The following PLA2G4B variants were observed in gnomAD, a reference collection of about 807,000 sequenced individuals.
PLA2G4B encodes phospholipase A2 group IVB, also known as cytosolic phospholipase A2 beta.
Under a neutral mutation model 95.8 loss-of-function variants are expected in PLA2G4B, and 122 were observed. That is an observed-to-expected ratio of 1.27 (90% CI 1.10 to 1.48). The LOEUF is 1.48. Ranked by LOEUF, PLA2G4B falls within the 40% of genes most tolerant of loss-of-function variation. PLA2G4B has a pLI of 0.00. For synonymous variants in PLA2G4B, 518 were observed against 421.5 expected, an observed-to-expected ratio of 1.23 and a Z score of -2.80; for missense variants, 1,158 against 996.2, an observed-to-expected ratio of 1.16 and a Z score of -2.19.
At position 41,846,759 on chromosome 15, in the gene PLA2G4B, G is replaced by C; in HGVS notation, c.1871G>C (p.Cys624Ser). The stretch of plus-strand genomic sequence containing the variant: ...GTTGGCTACCTCATCAATACCAGCT[G>C]CCTGCCCCTCCTGCAGCCCACTCGG... Reference protein sequence around the residue: ...LDVGYLINTSCLPLLQPTRDV... With the variant: ...LDVGYLINTSSLPLLQPTRDV... Residue 624 changes from cysteine (C) to serine (S), a missense_variant, in exon 18 of 20, where the codon TGC becomes TCC. Cys to Ser is a moderately radical substitution (Grantham distance 112). Coordinates refer to ENST00000458483, the MANE Select transcript of PLA2G4B (RefSeq NM_001114633.2). 4 of 1,613,994 alleles carry C rather than the reference G, an allele frequency of 2.5e-6. No homozygotes were observed. The highest frequency in any genetic ancestry group is 3.4e-6 in the Non-Finnish European group (4 of 1,179,964).
intron 4 of PLA2G4B, 26 bp from the exon 5 acceptor site, chr15:41,841,029 T>C: frequency 6.4e-7 from 1 of 1,570,194 alleles, no homozygotes; most frequent in Non-Finnish European, 8.7e-7. Flanking sequence ...TGACCCTTTC[T>C]AACTTACTTC....
chr15:41,847,891 A>G lies in PLA2G4B; in HGVS notation c.*31A>G, dbSNP rs2065606406. The G allele has an allele frequency of 1.3e-6, 2 of 1,593,306 alleles. No individual in the cohort carries two copies. Among genetic ancestry groups the G allele is most frequent in the African/African-American group, 2.9e-5 (2 of 69,180 alleles). Reference sequence around the variant, plus strand: ...GGGGCCCCTGCCACCCCTAACTCTCATTCATTCCCTGGCTGCTGAGTTGCA... The same window carrying G: ...GGGGCCCCTGCCACCCCTAACTCTCGTTCATTCCCTGGCTGCTGAGTTGCA... On this transcript the variant is annotated 3_prime_UTR_variant, in exon 20 of 20. Coordinates refer to ENST00000458483, the MANE Select transcript of PLA2G4B (RefSeq NM_001114633.2).
chr15:41,844,978 C>A lies in PLA2G4B; in HGVS notation c.1147C>A (p.Arg383=), dbSNP rs141390960. The A allele has an allele frequency of 1.2e-6, 2 of 1,610,490 alleles. No individual in the cohort carries two copies. The highest frequency in any genetic ancestry group is 1.3e-5 in the African/African-American group (1 of 74,902). Residue 383 remains arginine (R), a synonymous_variant, in exon 13 of 20, where the codon CGG becomes AGG. Transcript: ENST00000458483. ...GGCCCCCAGCCAGCTGCAGCGGTAC[C>A]GGCAGGAGCTGGCCGAGCGTGCCCG... ...VLAPSQLQRY[R]QELAERARLG... is the part of the protein sequence containing the mutation.
Position 41,843,689 on chromosome 15 carries a change from GC to G in PLA2G4B, c.759del (p.Val254CysfsTer15). On this transcript the variant is annotated frameshift_variant, in exon 11 of 20. Coordinates refer to ENST00000458483, the MANE Select transcript of PLA2G4B (RefSeq NM_001114633.2). LOFTEE classifies it high-confidence loss of function. ...LKKEAGLREL[A>X]VRLGFGPCAE... ...TTCCCCGGCCAGACTGAGGGAGCTGGCCGTGCGACTGGGCTTCGGGCCCTGT... is the reference window on the plus strand; with the variant it reads ...TTCCCCGGCCAGACTGAGGGAGCTGGCGTGCGACTGGGCTTCGGGCCCTGT... 1.2e-6 allele frequency: 2 copies of G among 1,613,644 alleles called. No individual in the cohort carries two copies. Among genetic ancestry groups the G allele is most frequent in the Non-Finnish European group, 1.7e-6 (2 of 1,179,770 alleles).
chr15:41,846,167 G>T lies in PLA2G4B; in HGVS notation c.1601-36G>T, dbSNP rs947657043. 5 of 1,602,156 alleles carry T rather than the reference G, an allele frequency of 3.1e-6. No individual in the cohort carries two copies. In the African/African-American group the frequency reaches 5.4e-5, roughly 17 times the overall value. ...TCACCACCAAGGTGGGGATAAAGGT[G>T]CAGGAGTCCCCATTTCCCCCACCTT... On this transcript the variant is annotated intron_variant, in intron 16 of 19. Transcript: ENST00000458483.
Position 41,847,482 on chromosome 15 carries a change from T to TTCCTC in PLA2G4B, c.2095_2099dup (p.Val701LeufsTer27). 6.2e-7 allele frequency: 1 copy of TTCCTC among 1,611,002 alleles called. No homozygotes were observed. The highest frequency in any genetic ancestry group is 8.5e-7 in the Non-Finnish European group (1 of 1,178,072). Reference sequence around the variant, plus strand: ...CCCGGAGCCCCTGCGGTGCTGCACTTTCCTCTGGTCAGCGACTCCTTCCGG... The same window carrying TTCCTC: ...CCCGGAGCCCCTGCGGTGCTGCACTTTCCTCTCCTCTGGTCAGCGACTCCTTCCGG... On this transcript the variant is annotated frameshift_variant, in exon 19 of 20. Coordinates refer to ENST00000458483, the MANE Select transcript of PLA2G4B (RefSeq NM_001114633.2). LOFTEE classifies it low-confidence loss of function (END_TRUNC).
At chr15:41,839,682 C>T (rs2140887002) in intron 1 of PLA2G4B, 1 of 160,416 alleles carries the variant, frequency 6.2e-6, no homozygotes, top group Non-Finnish European at 1.4e-5. Context: ...CCACCCAAGA[C>T]CAGCCGGAAA....
rs528108942 is a variant in PLA2G4B at position 41,841,064 on chromosome 15, C to G, written c.361C>G (p.Arg121Gly). Residue 121 changes from arginine (R) to glycine (G), a missense_variant, in exon 5 of 20, where the codon CGC becomes GGC. Physicochemically the swap from Arg to Gly is moderately radical, Grantham distance 125 (BLOSUM62 -2). Transcript: ENST00000458483. ...SFSLSPQGEG[R>G]LEVEFRLQSL... The stretch of plus-strand genomic sequence containing the variant: ...CTGGCTCTCTTCCCAGGGTGAGGGG[C>G]GCCTGGAAGTTGAATTTCGCCTGCA... 2.5e-6 allele frequency: 4 copies of G among 1,581,156 alleles called. No homozygotes were observed. Among genetic ancestry groups the G allele is most frequent in the Non-Finnish European group, 3.4e-6 (4 of 1,160,764 alleles).
chr15:41,844,738 A>G (rs1417332425), intron 12 of PLA2G4B, 110 bp from the exon 13 acceptor site: 22 of 1,550,868 alleles, frequency 1.4e-5, no homozygotes, highest in Non-Finnish European at 1.7e-5. Context: ...GCTCAAGGGG[A>G]CCCTGGGAAG....
chr15:41,847,942 T>G lies in PLA2G4B; in HGVS notation c.*82T>G. 6.6e-7 allele frequency: 1 copy of G among 1,504,658 alleles called. No homozygotes were observed. 93.2% of individuals were successfully genotyped at this position (1,504,658 alleles called of 1,614,324 possible). On this transcript the variant is annotated 3_prime_UTR_variant, in exon 20 of 20. Transcript: ENST00000458483. ...GGTGGGAACTGTCATCACGCAGTGC[T>G]TCAGAGCCTCGGGCTCAGGTGGCAC...
At chr15:41,847,056 C>T (rs1323470561) in intron 18 of PLA2G4B, among the ~76,000 whole-genome samples, 3 of 152,066 alleles carry the variant, frequency 2.0e-5, no homozygotes, top group East Asian at 1.9e-4. Context: ...TACTGACCTG[C>T]GAGGTGTGGT....
chr15:41,843,654 A>G, intron 10 of PLA2G4B, 22 bp from the exon 11 acceptor site: 1 of 1,610,568 alleles, frequency 6.2e-7, no homozygotes, highest in Admixed American at 1.7e-5. Context: ...GCTGTCTCAC[A>G]GTCTCTTCCT....
Position 41,847,349 on chromosome 15 carries a change from C to T in PLA2G4B, c.1960C>T (p.Leu654=). 6.2e-7 allele frequency: 1 copy of T among 1,605,076 alleles called. No individual in the cohort carries two copies. Among genetic ancestry groups the T allele is most frequent in the South Asian group, 1.1e-5 (1 of 90,784 alleles). ...GCCTGCCCTGCAGCAGTTGCAGCTC[C>T]TGGGCCGGTTCTGCCAGGAGCAGGG... ...LHGAFQQLQL[L]GRFCQEQGIP... Residue 654 remains leucine, a synonymous_variant, in exon 19 of 20, where the codon CTG becomes TTG. Coordinates refer to ENST00000458483, the MANE Select transcript of PLA2G4B (RefSeq NM_001114633.2).
At chr15:41,841,986 A>T (rs751578252) in intron 8 of PLA2G4B, 37 bp downstream of exon 8, 38 of 1,594,556 alleles carry the variant, frequency 2.4e-5, no homozygotes, top group Non-Finnish European at 3.0e-5. Context: ...GGGCCCCCAG[A>T]ACTTCCTCCC....
intron 19 of PLA2G4B, 23 bp from the exon 20 acceptor site, chr15:41,847,626 G>C: frequency 1.2e-6 from 2 of 1,613,466 alleles, no homozygotes; most frequent in Non-Finnish European, 1.7e-6. Context: ...TGTTCCCCAT[G>C]CCAGGCTGCA....
chr15:41,847,190 GA>G lies in PLA2G4B; in HGVS notation c.1948-146del, dbSNP rs975188149. 2.1e-5 allele frequency: 25 copies of G among 1,171,488 alleles called. No individual in the cohort carries two copies. The African/African-American group carries it at 4.7e-4, about 22-fold the overall frequency. 72.6% of individuals were successfully genotyped at this position (1,171,488 alleles called of 1,614,324 possible). ...GCCACCGAGGCCTGTCAGGTGTGGAGAGTTTTTTTCCAACGACTGGCTTCAT... is the reference window on the plus strand; with the variant it reads ...GCCACCGAGGCCTGTCAGGTGTGGAGGTTTTTTTCCAACGACTGGCTTCAT... On this transcript the variant is annotated intron_variant, in intron 18 of 19. Transcript: ENST00000458483.
At chr15:41,843,628 C>T in intron 10 of PLA2G4B, 48 bp from the exon 11 acceptor site, 1 of 1,591,436 alleles carries the variant, frequency 6.3e-7, no homozygotes, top group Non-Finnish European at 8.6e-7. Context: ...TTTCCATTCT[C>T]TGGGGAGGGT....
Position 41,840,768 on chromosome 15 carries a change from C to T in PLA2G4B, c.220-6C>T, listed in dbSNP as rs1041691232. ...CCTGCAGCCCTGTCACTCTTTTCCC[C>T]TCCAGAATGTCATGGAACTGAAAGT... On this transcript the variant is annotated splice_region_variant and splice_polypyrimidine_tract_variant and intron_variant, in intron 3 of 19. Transcript: ENST00000458483. 2.2e-5 allele frequency: 35 copies of T among 1,613,360 alleles called. No homozygotes were observed. The South Asian group carries it at 3.5e-4, about 16-fold the overall frequency.
At chr15:41,842,674 G>C in intron 10 of PLA2G4B, 83 bp downstream of exon 10, 32 of 1,490,422 alleles carry the variant, frequency 2.1e-5, no homozygotes, top group Non-Finnish European at 2.4e-5. Flanking sequence ...GGAGTGAGGG[G>C]GAGAAACAGC....
Sources: gnomAD v4.1 joint callset for allele counts (sites outside exome capture counted in the v4.1 genomes callset) on GRCh38, gnomAD v4.1.1 for gene constraint, MANE v1.5 for transcripts, NCBI Gene and HGNC (gene_info 2026-07-23, HGNC 2026-07-21) for gene names.